The following APBB2 variants were observed in gnomAD, a reference collection of about 807,000 sequenced individuals.
The protein encoded by APBB2 is Fe65-like 1.
APBB2 carries 38 observed loss-of-function variants against 82.5 expected under a neutral mutation model. That is an observed-to-expected ratio of 0.46 (90% CI 0.36 to 0.60). APBB2 has a LOEUF of 0.60. APBB2 is among the 20% of genes least tolerant of loss of function. APBB2 has a pLI of 0.00. For synonymous variants in APBB2, 341 were observed against 368.2 expected, an observed-to-expected ratio of 0.93 and a Z score of 0.85; for missense variants, 772 against 972.3, an observed-to-expected ratio of 0.79 and a Z score of 2.74.
rs1165496739 is a variant in APBB2, at chr4:40,832,427, C to T, written c.1530-1850G>A. Among the ~76,000 whole-genome samples, 1 of 152,210 alleles carries T rather than the reference C, an allele frequency of 6.6e-6. No individual in the cohort carries two copies. Among genetic ancestry groups the T allele is most frequent in the African/African-American group, 2.4e-5 (1 of 41,438 alleles). On this transcript the variant is annotated intron_variant, in intron 12 of 17. Coordinates refer to ENST00000508593, the MANE Select transcript of APBB2 (RefSeq NM_004307.2). The surrounding 1 kb of genome is among the most constrained non-coding windows in gnomAD (Gnocchi z 4.8). Reference sequence around the variant, plus strand: ...ACGCTTTAATCACCGGCAATCCACACATGACCCCAACATTTCTCCTCCCAA... The same window carrying T: ...ACGCTTTAATCACCGGCAATCCACATATGACCCCAACATTTCTCCTCCCAA...
At chr4:41,100,234 A>G (rs1744889279) in intron 3 of APBB2, among the ~76,000 whole-genome samples, 1 of 152,246 alleles carries the variant, frequency 6.6e-6, no homozygotes, top group Admixed American at 6.5e-5. Context: ...TTTCATACTT[A>G]TTCTAAAAAT....
At chr4:41,100,818 C>T (rs1745091503) in intron 2 of APBB2, 68 bp from the exon 3 acceptor site, 1 of 152,110 alleles carries the variant, frequency 6.6e-6, no homozygotes, top group South Asian at 2.1e-4. Flanking sequence ...TCAAAATACC[C>T]GACTGTCATT....
At chr4:41,027,237 A>AC (rs59301392) in intron 5 of APBB2, among the ~76,000 whole-genome samples, 40,253 of 151,064 alleles carry the variant, frequency 0.27, 6,553 homozygotes, top group East Asian at 0.55. Flanking sequence ...CCTAGACTGA[A>AC]CCCCTGGTGT....
chr4:40,985,226 A>C (rs1318619075), intron 6 of APBB2, among the ~76,000 whole-genome samples: 1 of 152,000 alleles, frequency 6.6e-6, no homozygotes, highest in Non-Finnish European at 1.5e-5. Flanking sequence ...AGATGACTTT[A>C]AATTTTACGT....
intron 5 of APBB2, among the ~76,000 whole-genome samples, chr4:41,017,499 G>A (rs16852699): frequency 0.046 from 6,967 of 152,218 alleles, 337 homozygotes; most frequent in African/African-American, 0.12. Flanking sequence ...TCAGGGTCAA[G>A]GAGAGAAAGG....
At chr4:40,940,765 A>G (rs1578602442) in intron 7 of APBB2, among the ~76,000 whole-genome samples, 1 of 152,206 alleles carries the variant, frequency 6.6e-6, no homozygotes, top group African/African-American at 2.4e-5. Flanking sequence ...CTGTAGGAAG[A>G]CCAAAACACC....
chr4:40,817,609 C>T (rs142941188), intron 17 of APBB2, among the ~76,000 whole-genome samples: 137 of 152,082 alleles, frequency 9.0e-4, no homozygotes, highest in Non-Finnish European at 1.7e-3. Context: ...TTTTGGTATA[C>T]TCAGAGGTCC....
chr4:41,014,335 T>C lies in APBB2; in HGVS notation c.83A>G (p.Asn28Ser). The C allele has an allele frequency of 1.9e-6, 3 of 1,614,114 alleles. No individual in the cohort carries two copies. Among genetic ancestry groups the C allele is most frequent in the Non-Finnish European group, 2.5e-6 (3 of 1,180,010 alleles). ...MASSGTTDVT[N>S]RNSPATPPNT... ...TGGTGGTGTGGCTGGGCTGTTCCGA[T>C]TTGTGACGTCTGTAGTTCCGCTGCT... is the stretch of plus-strand genomic sequence containing the variant. The change falls in exon 6 of 18, where the codon AAT becomes AGT. Residue 28 changes from asparagine (N) to serine (S), a missense_variant. Physicochemically the swap from Asn to Ser is conservative, Grantham distance 46. Coordinates refer to ENST00000508593, the MANE Select transcript of APBB2 (RefSeq NM_004307.2).
intron 1 of APBB2, among the ~76,000 whole-genome samples, chr4:41,214,039 C>T (rs1780008530): frequency 6.6e-6 from 1 of 152,242 alleles, no homozygotes; most frequent in African/African-American, 2.4e-5. Context: ...AACCCGGTCT[C>T]CCCCGCCCCA....
chr4:40,942,179 G>C (rs1328467637), intron 7 of APBB2, among the ~76,000 whole-genome samples: 1 of 152,172 alleles, frequency 6.6e-6, no homozygotes, highest in Non-Finnish European at 1.5e-5. Context: ...ACCTTATGTA[G>C]GGGGAGAAAC....
intron 12 of APBB2, chr4:40,842,511 A>G: frequency 2.8e-6 from 1 of 352,432 alleles, no homozygotes; most frequent in Non-Finnish European, 6.0e-6. Context: ...CTCTGCAGCA[A>G]TTAATAGGCT....
At chr4:41,166,107 C>A (rs1404486454) in intron 1 of APBB2, among the ~76,000 whole-genome samples, 1 of 151,922 alleles carries the variant, frequency 6.6e-6, no homozygotes, top group African/African-American at 2.4e-5. Flanking sequence ...ATCTCCTGAC[C>A]TCGTGATCCG....
At chr4:41,136,729 A>AATAGTCAGCTCAGCT in intron 2 of APBB2, among the ~76,000 whole-genome samples, 1 of 152,350 alleles carries the variant, frequency 6.6e-6, no homozygotes, top group East Asian at 1.9e-4. Context: ...GCCCAGCAGC[A>AATAGTCAGCTCAGCT]ATAGTCAGCT....
chr4:40,940,029 A>G (rs1786422536), intron 7 of APBB2, among the ~76,000 whole-genome samples: 1 of 152,180 alleles, frequency 6.6e-6, no homozygotes, highest in Non-Finnish European at 1.5e-5. Flanking sequence ...TTGGCTATGC[A>G]GCTGATTTAT....
intron 12 of APBB2, among the ~76,000 whole-genome samples, chr4:40,843,013 C>A (rs1468699515): frequency 1.3e-5 from 2 of 152,148 alleles, no homozygotes; most frequent in Admixed American, 1.3e-4. Flanking sequence ...CTGGTTGGGG[C>A]CACACTCTTG....
At chr4:40,963,234 T>C (rs543217624) in intron 6 of APBB2, among the ~76,000 whole-genome samples, 67 of 152,170 alleles carry the variant, frequency 4.4e-4, no homozygotes, top group Non-Finnish European at 8.8e-4. Context: ...CCATTACTTT[T>C]TCTTTTTTTC....
At chr4:41,205,840 G>A (rs928187797) in intron 1 of APBB2, among the ~76,000 whole-genome samples, 1 of 152,134 alleles carries the variant, frequency 6.6e-6, no homozygotes, top group African/African-American at 2.4e-5. Context: ...ATTTGCAGAT[G>A]AGCAAACTGA....
intron 12 of APBB2, among the ~76,000 whole-genome samples, chr4:40,841,835 C>T (rs1048781461): frequency 1.3e-5 from 2 of 152,150 alleles, no homozygotes; most frequent in Admixed American, 6.6e-5. Context: ...CCCACCACCA[C>T]GCCTAGCTAA....
intron 12 of APBB2, among the ~76,000 whole-genome samples, chr4:40,871,911 T>C (rs554772094): frequency 3.3e-5 from 5 of 152,274 alleles, no homozygotes; most frequent in Admixed American, 1.3e-4. Flanking sequence ...TCTGTGACAT[T>C]AGTGACAACC....
Sources: gnomAD v4.1 joint callset for allele counts (sites outside exome capture counted in the v4.1 genomes callset) on GRCh38, gnomAD v4.1.1 for gene constraint, Gnocchi (gnomAD v3.1) non-coding constraint, MANE v1.5 for transcripts, NCBI Gene and HGNC (gene_info 2026-07-23, HGNC 2026-07-21) for gene names.